The following NPAS3 variants were observed in gnomAD, a reference collection of about 807,000 sequenced individuals.
NPAS3 encodes neuronal PAS domain protein 3.
A neutral mutation model predicts 73.1 loss-of-function variants in NPAS3; 14 were observed. The observed-to-expected ratio is 0.19, with a 90% CI of 0.13 to 0.30. The LOEUF (loss-of-function observed/expected upper bound fraction) is 0.30, where lower values mean the gene tolerates loss of function less well. NPAS3 is among the 10% of genes least tolerant of loss of function. The pLI is 1.00. For synonymous variants in NPAS3, 620 were observed against 541.5 expected, an observed-to-expected ratio of 1.14 and a Z score of -2.01; for missense variants, 1,096 against 1,250.0, an observed-to-expected ratio of 0.88 and a Z score of 1.86.
chr14:33,529,197 T>C (rs1378408202), intron 4 of NPAS3, among the ~76,000 whole-genome samples: 1 of 152,144 alleles, frequency 6.6e-6, no homozygotes, highest in Non-Finnish European at 1.5e-5. Context: ...AGTCCTGTGC[T>C]AGTATTAAGA....
chr14:33,716,623 C>T (rs2140520010), intron 6 of NPAS3, among the ~76,000 whole-genome samples: 1 of 152,306 alleles, frequency 6.6e-6, no homozygotes, highest in Non-Finnish European at 1.5e-5. Flanking sequence ...ACAGTAACTT[C>T]CCATTTTTCC....
intron 4 of NPAS3, among the ~76,000 whole-genome samples, chr14:33,372,754 A>T (rs2046146191): frequency 6.6e-6 from 1 of 152,188 alleles, no homozygotes. Context: ...AGTTCACTAA[A>T]TTCTTCTCTG....
At chr14:33,703,554 G>A (rs2060578740) in intron 6 of NPAS3, among the ~76,000 whole-genome samples, 1 of 151,392 alleles carries the variant, frequency 6.6e-6, no homozygotes, top group South Asian at 2.1e-4. Context: ...AATTTTTCCA[G>A]GATCAGGGGA....
intron 1 of NPAS3, among the ~76,000 whole-genome samples, chr14:32,957,734 A>G (rs2139194022): frequency 6.6e-6 from 1 of 152,276 alleles, no homozygotes; most frequent in East Asian, 1.9e-4. Flanking sequence ...AACAATTTAG[A>G]AAGCTAAAAA....
At chr14:33,383,088 TAAAA>T (rs34877774) in intron 4 of NPAS3, among the ~76,000 whole-genome samples, 3 of 104,278 alleles carry the variant, frequency 2.9e-5, no homozygotes, top group African/African-American at 3.9e-5. Context: ...GACCCTGTCT[TAAAA>T]AAAAAAAAAA....
chr14:33,178,070 A>T (rs1349289518), intron 2 of NPAS3, among the ~76,000 whole-genome samples: 6 of 123,868 alleles, frequency 4.8e-5, no homozygotes, highest in South Asian at 2.8e-4. Context: ...ATTGAAGTGA[A>T]TTTTTTTTGT....
At chr14:33,228,314 G>T (rs1456296318) in intron 3 of NPAS3, among the ~76,000 whole-genome samples, 1 of 152,110 alleles carries the variant, frequency 6.6e-6, no homozygotes, top group East Asian at 1.9e-4. Context: ...GGTGATTTGG[G>T]TGTGTTTTGG....
At chr14:33,170,654 C>T (rs1198331392) in intron 2 of NPAS3, among the ~76,000 whole-genome samples, 3 of 152,228 alleles carry the variant, frequency 2.0e-5, no homozygotes, top group African/African-American at 7.2e-5. Flanking sequence ...ATGTTCACAA[C>T]ATCTTCACCA....
intron 2 of NPAS3, among the ~76,000 whole-genome samples, chr14:33,085,941 A>G (rs1272151645): frequency 6.6e-6 from 1 of 152,208 alleles, no homozygotes; most frequent in African/African-American, 2.4e-5. Flanking sequence ...TTCACCTCAT[A>G]GTGCACTCAT....
At chr14:33,226,302 C>G (rs2047630297) in intron 3 of NPAS3, among the ~76,000 whole-genome samples, 1 of 152,120 alleles carries the variant, frequency 6.6e-6, no homozygotes, top group Non-Finnish European at 1.5e-5. Flanking sequence ...AACAACTGAT[C>G]AGTTTAGGTT....
chr14:33,620,312 C>G (rs2058042406), intron 5 of NPAS3, among the ~76,000 whole-genome samples: 1 of 152,124 alleles, frequency 6.6e-6, no homozygotes, highest in Non-Finnish European at 1.5e-5. Context: ...GTCTCTGTTC[C>G]AAGTTCCTTA....
At chr14:33,541,637 T>C (rs1216210839) in intron 4 of NPAS3, among the ~76,000 whole-genome samples, 4 of 151,854 alleles carry the variant, frequency 2.6e-5, no homozygotes, top group Non-Finnish European at 5.9e-5. Flanking sequence ...ATGGGAAGAG[T>C]GTGAACACCT....
chr14:33,316,495 A>T (rs2043212458), intron 3 of NPAS3, among the ~76,000 whole-genome samples: 2 of 152,050 alleles, frequency 1.3e-5, no homozygotes, highest in Admixed American at 6.6e-5. Context: ...ACCTCTTGAG[A>T]TATTACTTCT....
intron 3 of NPAS3, among the ~76,000 whole-genome samples, chr14:33,343,997 A>G (rs2044613542): frequency 6.6e-6 from 1 of 152,224 alleles, no homozygotes. Flanking sequence ...ATTCCCTGAA[A>G]GTTGCACAGG....
chr14:33,567,853 A>C (rs536262265), intron 5 of NPAS3, among the ~76,000 whole-genome samples: 1 of 152,344 alleles, frequency 6.6e-6, no homozygotes, highest in South Asian at 2.1e-4. Context: ...AATGTGCGTC[A>C]TCATACGTGA....
intron 3 of NPAS3, among the ~76,000 whole-genome samples, chr14:33,329,944 C>A (rs912129533): frequency 7.2e-5 from 11 of 152,058 alleles, no homozygotes; most frequent in African/African-American, 2.7e-4. Flanking sequence ...AATGCTTTGA[C>A]ACATATTAGG....
At chr14:33,331,580 A>G (rs997164645) in intron 3 of NPAS3, among the ~76,000 whole-genome samples, 2 of 146,326 alleles carry the variant, frequency 1.4e-5, no homozygotes, top group Non-Finnish European at 3.0e-5. Context: ...ACTGTCAGCT[A>G]TAACTCCTCG....
chr14:33,631,264 C>T (rs946432046), intron 5 of NPAS3, among the ~76,000 whole-genome samples: 14 of 152,152 alleles, frequency 9.2e-5, no homozygotes, highest in African/African-American at 3.1e-4. Flanking sequence ...CCCACATTTA[C>T]GTAATGTGTA....
chr14:33,357,577 C>T (rs752137759), intron 3 of NPAS3, among the ~76,000 whole-genome samples: 2 of 152,244 alleles, frequency 1.3e-5, no homozygotes, highest in Non-Finnish European at 2.9e-5. Flanking sequence ...TTGGACCGGC[C>T]TCTGCTTTTC....
Sources: gnomAD v4.1 joint callset for allele counts (sites outside exome capture counted in the v4.1 genomes callset) on GRCh38, gnomAD v4.1.1 for gene constraint, MANE v1.5 for transcripts, NCBI Gene and HGNC (gene_info 2026-07-23, HGNC 2026-07-21) for gene names.